RERE: variants seen among roughly 807,000 people sequenced by gnomAD.
RERE encodes arginine-glutamic acid dipeptide repeats protein.
RERE carries 40 observed loss-of-function variants against 146.1 expected under a neutral mutation model. The ratio of observed to expected loss-of-function variants is 0.27; its 90% CI spans 0.21 to 0.36. The LOEUF (loss-of-function observed/expected upper bound fraction) is 0.36, where lower values mean the gene tolerates loss of function less well. Among genes scored for constraint, RERE ranks in the 10% least tolerant of loss-of-function variants. The pLI, the probability that RERE is intolerant of heterozygous loss-of-function variation, is 1.00. For synonymous variants in RERE, 1,003 were observed against 866.0 expected, an observed-to-expected ratio of 1.16 and a Z score of -2.78; for missense variants, 1,933 against 2,138.7, an observed-to-expected ratio of 0.90 and a Z score of 1.90.
chr1:8,527,816 G>A (rs558960304), intron 7 of RERE, among the ~76,000 whole-genome samples: 5 of 151,502 alleles, frequency 3.3e-5, no homozygotes, highest in South Asian at 2.1e-4. Flanking sequence ...GTACCCCAGC[G>A]GCCACACCCC....
intron 4 of RERE, among the ~76,000 whole-genome samples, chr1:8,568,992 C>T (rs1246371368): frequency 2.6e-5 from 4 of 152,102 alleles, no homozygotes; most frequent in Admixed American, 2.0e-4. Context: ...GACGAAATTT[C>T]GCAGATAAAT....
chr1:8,789,295 AAAAAAAATATATAT>A lies in RERE; in HGVS notation c.-145+27851_-145+27864del, dbSNP rs1641316605. 5.5e-5 allele frequency among the ~76,000 whole-genome samples: 4 copies of A among 72,498 alleles called. No homozygotes were observed. In the South Asian group the frequency reaches 1.6e-3, roughly 29 times the overall value. 47.6% of individuals were successfully genotyped at this position (72,498 alleles called of 152,430 possible). The stretch of plus-strand genomic sequence containing the variant: ...CCTCCTCTCTACCAAAAAAAAAAAA[AAAAAAAATATATAT>A]ATATATATATATATATGAGAGATAC... On this transcript the variant is annotated intron_variant, in intron 1 of 22. Transcript: ENST00000400908.
chr1:8,430,220 A>G (rs1644077740), intron 11 of RERE, among the ~76,000 whole-genome samples: 1 of 152,160 alleles, frequency 6.6e-6, no homozygotes, highest in Non-Finnish European at 1.5e-5. Context: ...TACATATTTA[A>G]CATTTTAATG....
At chr1:8,401,037 CCATATATATAT>C (rs1355233471) in intron 12 of RERE, among the ~76,000 whole-genome samples, 96 of 5,614 alleles carry the variant, frequency 0.017, 3 homozygotes, top group African/African-American at 0.034. Flanking sequence ...AAAAAAAAAA[CCATATATATAT>C]ATATATATAT....
At chr1:8,531,304 G>A (rs527573265) in intron 7 of RERE, among the ~76,000 whole-genome samples, 2 of 151,972 alleles carry the variant, frequency 1.3e-5, no homozygotes, top group East Asian at 1.9e-4. Flanking sequence ...TAAGTCAGGC[G>A]TGATGGCATG....
chr1:8,358,601 G>C lies in RERE; in HGVS notation c.3934C>G (p.Arg1312Gly). The C allele has an allele frequency of 6.3e-7, 1 of 1,599,800 alleles. No individual in the cohort carries two copies. The highest frequency in any genetic ancestry group is 8.5e-7 in the Non-Finnish European group (1 of 1,173,776). ...CGCAGCTCCCGCTCTCGGATCTCCCGCTCTCGGATCTCCCGCTCCCGGAGC... is the reference window on the plus strand; with the variant it reads ...CGCAGCTCCCGCTCTCGGATCTCCCCCTCTCGGATCTCCCGCTCCCGGAGC... ...RELREREIRE[R>G]EIRERELRER... Residue 1312 changes from arginine (R) to glycine (G), a missense_variant, in exon 20 of 23, where the codon CGG (arginine) becomes GGG (glycine). Coordinates refer to ENST00000400908, the MANE Select transcript of RERE (RefSeq NM_001042681.2).
intron 2 of RERE, among the ~76,000 whole-genome samples, chr1:8,637,432 T>C (rs1367538810): frequency 6.6e-6 from 1 of 152,204 alleles, no homozygotes; most frequent in African/African-American, 2.4e-5. Flanking sequence ...AGAGAATACA[T>C]GACTGTTCTT....
At chr1:8,545,982 CT>C (rs3050828) in intron 6 of RERE, among the ~76,000 whole-genome samples, 87 of 69,474 alleles carry the variant, frequency 1.3e-3, no homozygotes, top group African/African-American at 2.3e-3. Flanking sequence ...CATACCCAGT[CT>C]TTTTTTTTTT....
At chr1:8,402,350 A>G (rs987903448) in intron 12 of RERE, among the ~76,000 whole-genome samples, 1 of 152,210 alleles carries the variant, frequency 6.6e-6, no homozygotes, top group African/African-American at 2.4e-5. Flanking sequence ...AAAGAAGATC[A>G]CAGCTGTTTA....
intron 1 of RERE, among the ~76,000 whole-genome samples, chr1:8,761,911 A>T (rs1472183712): frequency 6.6e-6 from 1 of 152,150 alleles, no homozygotes; most frequent in Non-Finnish European, 1.5e-5. Context: ...AACAAGAGTG[A>T]AACTCTGTCT....
chr1:8,798,683 TC>T (rs1641528465), intron 1 of RERE: 1 of 188,412 alleles, frequency 5.3e-6, no homozygotes, highest in Non-Finnish European at 1.2e-5. Context: ...GAGTCAAAGA[TC>T]AAGTCTTTTT....
Position 8,603,938 on chromosome 1 carries a change from CAA to C in RERE, c.522+10621_522+10622del, listed in dbSNP as rs61119278. On this transcript the variant is annotated intron_variant, in intron 4 of 22. Coordinates refer to ENST00000400908, the MANE Select transcript of RERE (RefSeq NM_001042681.2). The stretch of plus-strand genomic sequence containing the variant: ...TGGGTGACAAAGCGAGACCCTGTCT[CAA>C]AAAAAAAAAAAGAAAAGAAAAAAGA... Among the ~76,000 whole-genome samples the C allele has an allele frequency of 2.2e-4, 28 of 124,906 alleles. No homozygotes were observed. The East Asian group carries it at 3.9e-3, about 18-fold the overall frequency. The allele number at this position is 124,906 out of a possible 152,430, so 81.9% of individuals were successfully genotyped here.
At chr1:8,675,738 T>TATAAATAC (rs1553131941) in intron 1 of RERE, among the ~76,000 whole-genome samples, 1 of 147,780 alleles carries the variant, frequency 6.8e-6, no homozygotes, top group Non-Finnish European at 1.5e-5. Flanking sequence ...TACATACATA[T>TATAAATAC]ATACATACAT....
At chr1:8,556,638 A>G (rs1256105616) in intron 5 of RERE, 67 bp from the exon 6 acceptor site, 2 of 1,036,502 alleles carry the variant, frequency 1.9e-6, no homozygotes, top group African/African-American at 1.6e-5. Context: ...AAAATTTGTA[A>G]AACTTTTCTT....
At chr1:8,704,726 A>T (rs750942278) in intron 1 of RERE, among the ~76,000 whole-genome samples, 5 of 152,266 alleles carry the variant, frequency 3.3e-5, no homozygotes, top group Non-Finnish European at 7.3e-5. Flanking sequence ...CTCTTTAAAG[A>T]CAAATCAAGT....
intron 4 of RERE, among the ~76,000 whole-genome samples, chr1:8,607,530 A>ATATTTTTTT (rs1646732034): frequency 3.5e-5 from 2 of 57,582 alleles, no homozygotes; most frequent in East Asian, 1.9e-3. Flanking sequence ...TTTTATATAT[A>ATATTTTTTT]TTTCTTTTTT....
chr1:8,541,379 G>T, intron 6 of RERE, 61 bp from the exon 7 acceptor site: 1 of 989,584 alleles, frequency 1.0e-6, no homozygotes, highest in Non-Finnish European at 1.6e-6. Context: ...AACCAAAACT[G>T]GAGGGGGAAG....
At chr1:8,386,418 T>C (rs1642683293) in intron 12 of RERE, among the ~76,000 whole-genome samples, 1 of 150,946 alleles carries the variant, frequency 6.6e-6, no homozygotes. Context: ...TGTGGCCCTG[T>C]CTCATAAAGA....
intron 1 of RERE, among the ~76,000 whole-genome samples, chr1:8,676,801 C>T (rs1391422870): frequency 6.6e-6 from 1 of 152,204 alleles, no homozygotes; most frequent in African/African-American, 2.4e-5. Flanking sequence ...ACGTCTGAGG[C>T]AGTTCTGTGA....
Sources: gnomAD v4.1 joint callset for allele counts (sites outside exome capture counted in the v4.1 genomes callset) on GRCh38, gnomAD v4.1.1 for gene constraint, MANE v1.5 for transcripts, NCBI Gene and HGNC (gene_info 2026-07-23, HGNC 2026-07-21) for gene names.